Variants in ANKRD36C observed in about 807,000 individuals in gnomAD.
ANKRD36C encodes the protein ankyrin repeat domain 36C.
ANKRD36C carries 61 observed loss-of-function variants against 276.4 expected under a neutral mutation model. The observed-to-expected ratio is 0.22, with a 90% confidence interval of 0.18 to 0.27. ANKRD36C has a LOEUF of 0.27. Ranked by LOEUF, ANKRD36C falls within the 10% of genes least tolerant of loss-of-function variation. ANKRD36C has a pLI of 1.00. For missense variants in ANKRD36C, 1,447 were observed against 2,032.3 expected (o/e 0.71, Z 5.54); for synonymous variants, 483 against 680.1 (o/e 0.71, Z 4.51).
chr2:95,852,043 C>T, intron 65 of ANKRD36C, 83 bp downstream of exon 85: 5 of 1,410,468 alleles, frequency 3.5e-6, no homozygotes, highest in Non-Finnish European at 4.9e-6. Flanking sequence ...TACTAATTAT[C>T]ATAACTGATA....
chr2:95,917,637 G>A (rs575311434), intron 36 of ANKRD36C, among the ~76,000 whole-genome samples: 19 of 151,512 alleles, frequency 1.3e-4, no homozygotes, highest in Admixed American at 2.0e-4. Context: ...CAATTTCAAC[G>A]TGGGGAAGTG....
At chr2:95,882,478 C>T (rs776290436) in exon 55 of ANKRD36C, 42 of 1,550,078 alleles carry the variant, frequency 2.7e-5, no homozygotes, top group Admixed American at 3.9e-5. Flanking sequence ...CCTTCTGGGC[C>T]GATTGTTTCT....
chr2:95,982,262 A>G, exon 4 of ANKRD36C: 1 of 1,545,404 alleles, frequency 6.5e-7, no homozygotes, highest in Non-Finnish European at 8.8e-7. Flanking sequence ...GTACCTGCCA[A>G]GATAATCAAC....
At chr2:95,975,496 T>C (rs1332358513) in intron 6 of ANKRD36C, among the ~76,000 whole-genome samples, 2 of 152,186 alleles carry the variant, frequency 1.3e-5, no homozygotes, top group Non-Finnish European at 2.9e-5. Flanking sequence ...TATCGATCTT[T>C]GACAAACCTG....
chr2:95,884,001 C>T (rs1446424029), intron 54 of ANKRD36C, among the ~76,000 whole-genome samples, 172 bp downstream of exon 74: 2 of 151,988 alleles, frequency 1.3e-5, no homozygotes, highest in Non-Finnish European at 2.9e-5. Context: ...TCGAAGATCA[C>T]GTCCAAGACC....
chr2:95,964,478 T>A (rs1678546739), intron 6 of ANKRD36C, among the ~76,000 whole-genome samples: 1 of 152,074 alleles, frequency 6.6e-6, no homozygotes, highest in Non-Finnish European at 1.5e-5. Flanking sequence ...CCCTCCACAT[T>A]CACTTCTTCA....
In ANKRD36C at chr2:95,962,611, A is replaced by G. The variant is rs913443997; in HGVS notation, c.800-64T>C. On this transcript the variant is annotated intron_variant, in intron 6 of 66. Transcript: ENST00000456556. Reference sequence around the variant, plus strand: ...ATATGATACAATTATCCATACATTCATGCACTGTTACCATCAAGCTGTATC... The same window carrying G: ...ATATGATACAATTATCCATACATTCGTGCACTGTTACCATCAAGCTGTATC... 3 of 1,574,136 alleles carry G rather than the reference A, an allele frequency of 1.9e-6. No individual in the cohort carries two copies. In the Admixed American group the frequency reaches 5.1e-5, roughly 27 times the overall value.
At chr2:95,950,859 G>A in intron 15 of ANKRD36C, 80 bp from the exon 16 acceptor site, 4 of 1,317,852 alleles carry the variant, frequency 3.0e-6, no homozygotes, top group Non-Finnish European at 4.1e-6. Flanking sequence ...AAGCACAGTG[G>A]CTTGTTCCTA....
At chr2:95,902,243 G>C (rs1284147561) in intron 42 of ANKRD36C, among the ~76,000 whole-genome samples, 5 of 149,232 alleles carry the variant, frequency 3.4e-5, no homozygotes, top group African/African-American at 4.9e-5. Flanking sequence ...TAATGAGTCA[G>C]TGTGGTGGTG....
chr2:95,879,229 T>C (rs557610551), intron 58 of ANKRD36C, among the ~76,000 whole-genome samples: 1 of 152,250 alleles, frequency 6.6e-6, no homozygotes, highest in East Asian at 1.9e-4. Flanking sequence ...TGTCAGTCCT[T>C]TGTGGGTGTG....
At chr2:95,881,682 C>A (rs1676088425) in intron 56 of ANKRD36C, among the ~76,000 whole-genome samples, 1 of 152,092 alleles carries the variant, frequency 6.6e-6, no homozygotes, top group African/African-American at 2.4e-5. Flanking sequence ...CTTCTTGATT[C>A]CAGTAGTCAT....
At chr2:95,897,582 A>G (rs1378546172) in intron 44 of ANKRD36C, 117 bp from the exon 59 acceptor site, 2 of 1,320,854 alleles carry the variant, frequency 1.5e-6, no homozygotes, top group Non-Finnish European at 2.1e-6. Context: ...GTAGGCTTTG[A>G]TGGCTTCTAC....
At chr2:95,980,861 A>G in intron 4 of ANKRD36C, 76 bp from the exon 5 acceptor site, 1 of 1,506,162 alleles carries the variant, frequency 6.6e-7, no homozygotes, top group Non-Finnish European at 8.9e-7. Flanking sequence ...TCAACTTAAT[A>G]TGTTGCCTGT....
intron 36 of ANKRD36C, among the ~76,000 whole-genome samples, chr2:95,916,984 T>G (rs1000380383): frequency 1.3e-5 from 2 of 151,580 alleles, no homozygotes; most frequent in African/African-American, 4.8e-5. Context: ...ATTTTAGGAG[T>G]TAATTAGAAT....
chr2:95,912,310 T>C, exon 42 of ANKRD36C: 1 of 1,582,124 alleles, frequency 6.3e-7, no homozygotes, highest in Non-Finnish European at 8.6e-7. Context: ...TTCTCATCAC[T>C]TGTAGCCTGA....
chr2:95,885,974 C>T (rs1273161494), intron 52 of ANKRD36C, 74 bp downstream of exon 72: 31 of 1,560,938 alleles, frequency 2.0e-5, no homozygotes, highest in Admixed American at 3.8e-5. Flanking sequence ...ATGAACCCCC[C>T]GCTGATTTAT....
intron 32 of ANKRD36C, among the ~76,000 whole-genome samples, 193 bp downstream of exon 32, chr2:95,923,302 T>A (rs1230362179): frequency 2.0e-5 from 3 of 151,638 alleles, no homozygotes; most frequent in Non-Finnish European, 4.4e-5. Context: ...GGGAAGTCTA[T>A]AATCTTACCG....
chr2:95,952,737 T>A (rs1678227837), intron 14 of ANKRD36C, among the ~76,000 whole-genome samples: 1 of 152,306 alleles, frequency 6.6e-6, no homozygotes, highest in African/African-American at 2.4e-5. Flanking sequence ...TCAAGACATT[T>A]AATAGATTTA....
At position 95,910,546 on chromosome 2, in the gene ANKRD36C, G is replaced by T. The variant is rs1421926598; in HGVS notation, c.2653+1698C>A. 4.4e-6 allele frequency: 7 copies of T among 1,606,598 alleles called. No homozygotes were observed. In the Admixed American group the frequency reaches 1.0e-4, roughly 23 times the overall value. On this transcript the variant is annotated intron_variant, in intron 42 of 66. Coordinates refer to ENST00000456556, the Ensembl canonical transcript of ANKRD36C. The stretch of plus-strand genomic sequence containing the variant: ...TAAATGAGAGTTTCATTACCTTCAA[G>T]GCTGGTGGTTTCTGAGAAGACACTG...
Sources: allele counts gnomAD v4.1 joint callset (sites outside exome capture counted in the v4.1 genomes callset), GRCh38; gene constraint gnomAD v4.1.1; transcripts MANE v1.5; gene names NCBI Gene and HGNC (gene_info 2026-07-23, HGNC 2026-07-21).